Variants in RBFOX1 observed in about 807,000 individuals in gnomAD.
The protein encoded by RBFOX1 is RNA binding protein fox-1 homolog 1.
Under a neutral mutation model 57.7 loss-of-function variants are expected in RBFOX1, and 8 were observed. That is an observed-to-expected ratio of 0.14 (90% confidence interval 0.08 to 0.25). The LOEUF (loss-of-function observed/expected upper bound fraction) is 0.25. Among genes scored for constraint, RBFOX1 ranks in the 10% least tolerant of loss-of-function variants. The probability of loss-of-function intolerance (pLI) is 1.00; values close to 1 mark genes in which losing one functional copy is unlikely to be tolerated. For missense variants in RBFOX1, 611 were observed against 548.5 expected (o/e 1.11, Z -1.14); for synonymous variants, 326 against 222.4 (o/e 1.47, Z -4.15).
intron 2 of RBFOX1, among the ~76,000 whole-genome samples, chr16:6,475,481 A>G (rs928079333): frequency 6.6e-6 from 1 of 152,216 alleles, no homozygotes; most frequent in South Asian, 2.1e-4. Context: ...ATGCTTGGAA[A>G]ATATGCCCAG....
chr16:7,069,316 C>T (rs1402546604), intron 4 of RBFOX1, among the ~76,000 whole-genome samples: 4 of 152,132 alleles, frequency 2.6e-5, no homozygotes, highest in African/African-American at 9.7e-5. Context: ...TTAAGCCCTG[C>T]GTGCATTAGC....
At chr16:6,210,556 C>G (rs188492995) in intron 1 of RBFOX1, among the ~76,000 whole-genome samples, 65 of 151,454 alleles carry the variant, frequency 4.3e-4, no homozygotes, top group African/African-American at 1.5e-3. Context: ...GTAGCGAGAC[C>G]CTGTCTCTAC....
At chr16:6,845,812 C>G (rs528174046) in intron 3 of RBFOX1, among the ~76,000 whole-genome samples, 80 of 152,312 alleles carry the variant, frequency 5.3e-4, no homozygotes, top group African/African-American at 1.8e-3. Context: ...ATTTTAGAGA[C>G]TTTGTACCTC....
chr16:6,209,906 A>G (rs2097281765), intron 1 of RBFOX1, among the ~76,000 whole-genome samples: 1 of 152,226 alleles, frequency 6.6e-6, no homozygotes, highest in Admixed American at 6.5e-5. Flanking sequence ...CTGCTTAAGC[A>G]TCTGCTGCTA....
intron 1 of RBFOX1, among the ~76,000 whole-genome samples, chr16:6,307,468 ATTAT>A (rs2079652879): frequency 6.6e-6 from 1 of 151,080 alleles, no homozygotes; most frequent in South Asian, 2.1e-4. Context: ...TTTATACTAA[ATTAT>A]TTCTTTCTAA....
At chr16:6,690,755 TTTC>T (rs1409222855) in intron 3 of RBFOX1, among the ~76,000 whole-genome samples, 37 of 21,916 alleles carry the variant, frequency 1.7e-3, no homozygotes, top group Middle Eastern at 0.019. Context: ...CTTTTCTTTC[TTTC>T]TTTTTTTTTT....
chr16:5,926,192 A>G lies in RBFOX1; in HGVS notation c.351+58857A>G, dbSNP rs560583147. On this transcript the variant is annotated intron_variant, in intron 4 of 19. Coordinates refer to the RBFOX1 transcript ENST00000641259. Reference sequence around the variant, plus strand: ...ATGCATTCCTTTTAAATCTGATACTATTTAAAATGAGATATGCGTATAATT... The same window carrying G: ...ATGCATTCCTTTTAAATCTGATACTGTTTAAAATGAGATATGCGTATAATT... Among the ~76,000 whole-genome samples, 5 of 152,346 alleles carry G rather than the reference A, an allele frequency of 3.3e-5. No homozygotes were observed. In the East Asian group the frequency reaches 7.7e-4, roughly 23 times the overall value.
At chr16:6,688,203 G>T (rs952471262) in intron 3 of RBFOX1, among the ~76,000 whole-genome samples, 1 of 152,108 alleles carries the variant, frequency 6.6e-6, no homozygotes, top group African/African-American at 2.4e-5. Flanking sequence ...AGAGAAGCAG[G>T]CGTGTCTTAG....
intron 14 of RBFOX1, among the ~76,000 whole-genome samples, chr16:7,707,052 C>T (rs914820870): frequency 6.6e-6 from 1 of 152,216 alleles, no homozygotes; most frequent in Non-Finnish European, 1.5e-5. Context: ...AGGGAGATGA[C>T]TGTCAGTTTC....
chr16:5,896,232 A>G (rs1436145354), intron 4 of RBFOX1, among the ~76,000 whole-genome samples: 1 of 152,088 alleles, frequency 6.6e-6, no homozygotes, highest in Admixed American at 6.6e-5. Context: ...GTATCTTGCT[A>G]CAGTTTAGAT....
At chr16:7,230,482 C>T (rs1270196249) in intron 4 of RBFOX1, among the ~76,000 whole-genome samples, 1 of 152,214 alleles carries the variant, frequency 6.6e-6, no homozygotes, top group African/African-American at 2.4e-5. Flanking sequence ...AAGGGTTTCA[C>T]ATTCAGGAAA....
intron 3 of RBFOX1, among the ~76,000 whole-genome samples, chr16:5,665,989 C>T (rs1467447316): frequency 1.3e-5 from 2 of 152,202 alleles, no homozygotes. Context: ...ATAATCAGGC[C>T]CCAGCCGTCA....
chr16:5,783,925 C>T (rs1417161217), intron 3 of RBFOX1, among the ~76,000 whole-genome samples: 1 of 152,090 alleles, frequency 6.6e-6, no homozygotes, highest in African/African-American at 2.4e-5. Flanking sequence ...CATGGAAATC[C>T]TAGCCCCCAA....
chr16:6,214,565 A>G (rs941758659), intron 1 of RBFOX1, among the ~76,000 whole-genome samples: 12 of 69,042 alleles, frequency 1.7e-4, no homozygotes, highest in East Asian at 8.8e-4. Context: ...GGGGAGAGGG[A>G]GGGGGGAGAG....
chr16:6,013,828 T>A (rs1333634787), intron 4 of RBFOX1, among the ~76,000 whole-genome samples: 1 of 151,992 alleles, frequency 6.6e-6, no homozygotes, highest in Non-Finnish European at 1.5e-5. Context: ...TGGATGAAGC[T>A]GGAAACCATC....
intron 3 of RBFOX1, among the ~76,000 whole-genome samples, chr16:5,653,771 C>G (rs757169740): frequency 3.3e-5 from 5 of 152,146 alleles, no homozygotes; most frequent in African/African-American, 7.2e-5. Flanking sequence ...TGGCTCAAGC[C>G]CAGCCGGTTT....
chr16:6,691,289 G>T (rs2060170958), intron 3 of RBFOX1, among the ~76,000 whole-genome samples: 1 of 152,074 alleles, frequency 6.6e-6, no homozygotes, highest in Admixed American at 6.6e-5. Flanking sequence ...TGCTGCAGAG[G>T]TAGGGGGTGG....
chr16:6,663,607 A>C (rs529755603), intron 3 of RBFOX1, among the ~76,000 whole-genome samples: 5 of 152,346 alleles, frequency 3.3e-5, no homozygotes, highest in Admixed American at 2.0e-4. Flanking sequence ...ATAAGGGCAG[A>C]GGCTGCTGTG....
At chr16:6,161,966 G>C (rs890085530) in intron 1 of RBFOX1, among the ~76,000 whole-genome samples, 1 of 152,192 alleles carries the variant, frequency 6.6e-6, no homozygotes, top group Non-Finnish European at 1.5e-5. Context: ...GTCCTTCACA[G>C]CCAACTAAGG....
Sources: gnomAD v4.1 joint callset for allele counts (sites outside exome capture counted in the v4.1 genomes callset) on GRCh38, gnomAD v4.1.1 for gene constraint, MANE v1.5 for transcripts, NCBI Gene and HGNC (gene_info 2026-07-23, HGNC 2026-07-21) for gene names.